The following TRMT6 variants were observed in gnomAD, a reference collection of about 807,000 sequenced individuals.
TRMT6 encodes tRNA (adenine(58)-N(1))-methyltransferase non-catalytic subunit TRM6.
A neutral mutation model predicts 59.0 loss-of-function variants in TRMT6; 34 were observed. That is an observed-to-expected ratio of 0.58 (90% CI 0.44 to 0.77). TRMT6 has a LOEUF of 0.77. TRMT6 is among the 30% of genes least tolerant of loss of function. TRMT6 has a pLI of 0.00. For synonymous variants in TRMT6, 217 were observed against 210.5 expected (o/e 1.03, Z -0.27); for missense variants, 575 against 604.5 (o/e 0.95, Z 0.51).
In TRMT6 at chr20:5,937,483, T is replaced by A. The variant is rs1034791963; in HGVS notation, c.*1052A>T. On this transcript the variant is annotated 3_prime_UTR_variant, in exon 11 of 11. Coordinates refer to ENST00000203001, the MANE Select transcript of TRMT6 (RefSeq NM_015939.5). ...ACACTTTCTTTGCTACAGCACATGA[T>A]CAAATGATTAGAGTTTTTCAGAGCT... 2.0e-5 allele frequency: 3 copies of A among 152,306 alleles called. No individual in the cohort carries two copies. The highest frequency in any genetic ancestry group is 7.2e-5 in the African/African-American group (3 of 41,558). The allele number at this position is 152,306 out of a possible 1,614,324, so 9.4% of individuals were successfully genotyped here.
rs1600225166 is a variant in TRMT6, at chr20:5,944,993, T to C, written c.257-79A>G. ...TTCTTTTTCTGAGTTCATATCCACA[T>C]CCAGTCCATCAGCCACTCAAGTCTG... On this transcript the variant is annotated intron_variant, in intron 2 of 10. Transcript: ENST00000203001. 8 of 1,138,152 alleles carry C rather than the reference T, an allele frequency of 7.0e-6. No individual in the cohort carries two copies. The East Asian group carries it at 1.7e-4, about 24-fold the overall frequency. 70.5% of individuals were successfully genotyped at this position (1,138,152 alleles called of 1,614,324 possible). A position where few individuals can be genotyped will look rare whatever the true frequency, so the allele number is the denominator to read the frequency against.
intron 1 of TRMT6, among the ~76,000 whole-genome samples, chr20:5,947,445 C>T (rs990284340): frequency 6.6e-6 from 1 of 152,328 alleles, no homozygotes; most frequent in Non-Finnish European, 1.5e-5. Flanking sequence ...ACATCACCCA[C>T]GCTCCCGTGT....
At chr20:5,940,067 A>G (rs917172704) in intron 10 of TRMT6, among the ~76,000 whole-genome samples, 1 of 152,202 alleles carries the variant, frequency 6.6e-6, no homozygotes, top group Admixed American at 6.5e-5. Flanking sequence ...TGCTTAACAC[A>G]GGGCTCCTTG....
rs374176622 is a variant in TRMT6, at chr20:5,946,521, G to A, written c.141C>T (p.Phe47=). 135 of 1,613,768 alleles carry A rather than the reference G, an allele frequency of 8.4e-5. No individual in the cohort carries two copies. Among genetic ancestry groups the A allele is most frequent in the African/African-American group, 7.2e-4 (54 of 74,874 alleles). The change falls in exon 2 of 11, where the codon TTC becomes TTT. Residue 47 remains phenylalanine (F), a synonymous_variant. Coordinates refer to ENST00000203001, the MANE Select transcript of TRMT6 (RefSeq NM_015939.5). The part of the protein sequence containing the change: ...VQVQRRKKVT[F]EKQWFYLDNV... ...TATCCAGGTAGAACCACTGTTTTTC[G>A]AAAGTTACTTTTCTAGGGAAAAAAA... is the stretch of plus-strand genomic sequence containing the variant.
chr20:5,942,046 G>T lies in TRMT6; in HGVS notation c.1027-10C>A. 6.2e-7 allele frequency: 1 copy of T among 1,607,776 alleles called. No homozygotes were observed. ...TCTGTTTTTCCTGAATCTTCAAAAA[G>T]AAAAATAAGAAATCAATGTACTGGG... On this transcript the variant is annotated splice_polypyrimidine_tract_variant and intron_variant, in intron 7 of 10. Transcript: ENST00000203001.
intron 10 of TRMT6, among the ~76,000 whole-genome samples, chr20:5,939,491 A>T (rs905375863): frequency 2.0e-5 from 3 of 149,942 alleles, no homozygotes; most frequent in South Asian, 2.1e-4. Context: ...AAAATGAAAA[A>T]AAAAAAAAAA....
chr20:5,948,847 G>A (rs567967487), intron 1 of TRMT6, among the ~76,000 whole-genome samples: 2 of 152,262 alleles, frequency 1.3e-5, no homozygotes, highest in African/African-American at 4.8e-5. Context: ...CACCAGCTTA[G>A]TGCTCTGGAG....
chr20:5,946,772 C>A (rs896995293), intron 1 of TRMT6, among the ~76,000 whole-genome samples: 2 of 152,128 alleles, frequency 1.3e-5, no homozygotes, highest in Non-Finnish European at 2.9e-5. Context: ...ATCGAAGTAA[C>A]AAGGATTTAA....
intron 2 of TRMT6, among the ~76,000 whole-genome samples, chr20:5,946,004 G>A (rs1049514976): frequency 2.0e-5 from 3 of 152,102 alleles, no homozygotes; most frequent in Non-Finnish European, 4.4e-5. Flanking sequence ...GTTGCCCAAC[G>A]GTACAAGGCA....
At chr20:5,939,765 T>C (rs1045898971) in intron 10 of TRMT6, among the ~76,000 whole-genome samples, 2 of 152,094 alleles carry the variant, frequency 1.3e-5, no homozygotes, top group Non-Finnish European at 2.9e-5. Flanking sequence ...CTCCTCTTTC[T>C]CCTGTAACCT....
chr20:5,941,033 C>A lies in TRMT6; in HGVS notation c.1302+20G>T, dbSNP rs1292474276. The A allele has an allele frequency of 1.2e-6, 2 of 1,600,062 alleles. No homozygotes were observed. The highest frequency in any genetic ancestry group is 1.7e-6 in the Non-Finnish European group (2 of 1,167,306). On this transcript the variant is annotated intron_variant, in intron 10 of 10. Transcript: ENST00000203001. ...AGTCTCGGGAGGGCAGCTCTTGGGA[C>A]TGGCTGTAAGAACACGTACCTGATA...
At chr20:5,942,267 C>T (rs1191899828) in intron 7 of TRMT6, 161 bp downstream of exon 7, 24 of 777,592 alleles carry the variant, frequency 3.1e-5, no homozygotes, top group South Asian at 1.2e-4. Context: ...TCCCGAAGAC[C>T]GAATCACACG....
In TRMT6 at chr20:5,944,909, T is replaced by TA; in HGVS notation, c.261dup (p.Lys88Ter). ...TTTCGATTATCAGTGCCCGCTTCTT[T>TA]AGTCTCTAAGGAAAGAAATTGCTCT... On this transcript the variant is annotated frameshift_variant, in exon 3 of 11. Transcript: ENST00000203001. LOFTEE classifies it high-confidence loss of function. 6.2e-7 allele frequency: 1 copy of TA among 1,611,210 alleles called. No homozygotes were observed. The highest frequency in any genetic ancestry group is 8.5e-7 in the Non-Finnish European group (1 of 1,177,756).
chr20:5,944,936 T>C (rs2088692248), intron 2 of TRMT6, 22 bp from the exon 3 acceptor site: 4 of 1,556,436 alleles, frequency 2.6e-6, no homozygotes, highest in South Asian at 2.2e-5. Flanking sequence ...AATTGCTCTA[T>C]TGACATTTAT....
intron 1 of TRMT6, among the ~76,000 whole-genome samples, chr20:5,949,720 C>G (rs1373676262): frequency 3.3e-5 from 5 of 152,086 alleles, no homozygotes; most frequent in Non-Finnish European, 7.3e-5. Context: ...GAAAGCCAGA[C>G]TAGGTAGGAG....
chr20:5,944,273 T>C lies in TRMT6; in HGVS notation c.367-20A>G, dbSNP rs1253462202. 6 of 1,423,884 alleles carry C rather than the reference T, an allele frequency of 4.2e-6. No individual in the cohort carries two copies. In the African/African-American group the frequency reaches 7.3e-5, roughly 17 times the overall value. The allele number at this position is 1,423,884 out of a possible 1,614,324, so 88.2% of individuals were successfully genotyped here. On this transcript the variant is annotated intron_variant, in intron 3 of 10. Coordinates refer to ENST00000203001, the MANE Select transcript of TRMT6 (RefSeq NM_015939.5). ...TATTTCCTATAAGAAAAGGAGCAAGTAGATTTTCTGAAACTTTACTTTCAC... is the reference window on the plus strand; with the variant it reads ...TATTTCCTATAAGAAAAGGAGCAAGCAGATTTTCTGAAACTTTACTTTCAC...
chr20:5,945,823 A>G (rs2088700981), intron 2 of TRMT6, among the ~76,000 whole-genome samples: 1 of 152,222 alleles, frequency 6.6e-6, no homozygotes, highest in African/African-American at 2.4e-5. Flanking sequence ...AGAGGTTGTT[A>G]AGAAATAATA....
In TRMT6 at chr20:5,946,080, T is replaced by C. The variant is rs114650341; in HGVS notation, c.256+326A>G. On this transcript the variant is annotated intron_variant, in intron 2 of 10. Coordinates refer to ENST00000203001, the MANE Select transcript of TRMT6 (RefSeq NM_015939.5). ...CAGACCTCTTAACCTCTACACCATA[T>C]GCTAACCACCTCACAGCTGTTACAT... Among the ~76,000 whole-genome samples, 520 of 152,320 alleles carry C rather than the reference T, an allele frequency of 3.4e-3. 7 individuals carry two copies. The highest frequency in any genetic ancestry group is 0.012 in the African/African-American group (489 of 41,570).
At chr20:5,945,844 C>T (rs1462992305) in intron 2 of TRMT6, among the ~76,000 whole-genome samples, 2 of 152,010 alleles carry the variant, frequency 1.3e-5, no homozygotes, top group Non-Finnish European at 2.9e-5. Context: ...ATAGTAATAG[C>T]TAAAATTATG....
Sources: gnomAD v4.1 joint callset for allele counts (sites outside exome capture counted in the v4.1 genomes callset) on GRCh38, gnomAD v4.1.1 for gene constraint, MANE v1.5 for transcripts, NCBI Gene and HGNC (gene_info 2026-07-23, HGNC 2026-07-21) for gene names.